WDR17: variants seen among roughly 807,000 people sequenced by gnomAD.
The protein encoded by WDR17 is WD repeat domain 17, also known as WD repeat-containing protein 17.
WDR17 carries 143 observed loss-of-function variants against 161.7 expected under a neutral mutation model. The ratio of observed to expected loss-of-function variants is 0.88; its 90% confidence interval spans 0.77 to 1.02. The LOEUF is 1.02. Among genes scored for constraint, WDR17 ranks in the 50% least tolerant of loss-of-function variants. WDR17 has a pLI of 0.00. For missense variants in WDR17, 1,469 were observed against 1,520.9 expected (o/e 0.97, Z 0.57); for synonymous variants, 517 against 515.6 (o/e 1.00, Z -0.04).
chr4:176,128,372 A>G (rs1160067966), intron 5 of WDR17, among the ~76,000 whole-genome samples: 2 of 152,032 alleles, frequency 1.3e-5, no homozygotes, highest in African/African-American at 4.8e-5. Context: ...GGAAAGATTG[A>G]TTATTTAAGG....
chr4:176,097,717 A>G (rs1737103423), intron 1 of WDR17, among the ~76,000 whole-genome samples: 1 of 135,970 alleles, frequency 7.4e-6, no homozygotes, highest in African/African-American at 2.8e-5. Flanking sequence ...TTCAAGCCCC[A>G]CTTACACACA....
chr4:176,142,379 A>G (rs1745423535), intron 11 of WDR17, among the ~76,000 whole-genome samples: 1 of 152,194 alleles, frequency 6.6e-6, no homozygotes, highest in Admixed American at 6.5e-5. Context: ...CTTCTATCAT[A>G]GAAATGTGGC....
chr4:176,088,582 A>G (rs536957972), intron 1 of WDR17, among the ~76,000 whole-genome samples: 1 of 152,218 alleles, frequency 6.6e-6, no homozygotes, highest in African/African-American at 2.4e-5. Flanking sequence ...CTTTCAGAAC[A>G]TGATAGTGGC....
intron 5 of WDR17, among the ~76,000 whole-genome samples, chr4:176,127,114 A>G (rs1412957064): frequency 1.3e-5 from 2 of 152,204 alleles, no homozygotes; most frequent in South Asian, 2.1e-4. Context: ...TTATATGCAA[A>G]TAATATGCCA....
chr4:176,168,635 C>G (rs766267340), intron 22 of WDR17, 37 bp from the exon 23 acceptor site: 1 of 1,609,768 alleles, frequency 6.2e-7, no homozygotes, highest in Admixed American at 1.7e-5. Context: ...TTTAAATCTT[C>G]TCCTCAATGA....
intron 1 of WDR17, among the ~76,000 whole-genome samples, chr4:176,103,688 A>G (rs1392134155): frequency 2.0e-5 from 3 of 152,132 alleles, no homozygotes; most frequent in East Asian, 1.9e-4. Context: ...ATTAGCAAAT[A>G]TGAAGATAAG....
At chr4:176,096,435 T>G in intron 1 of WDR17, 1 of 1,092,020 alleles carries the variant, frequency 9.2e-7, no homozygotes, top group South Asian at 1.6e-5. Context: ...AAATCTTGTT[T>G]GGTTGAAACA....
intron 1 of WDR17, among the ~76,000 whole-genome samples, chr4:176,076,666 A>G (rs1316995580): frequency 6.6e-6 from 1 of 151,200 alleles, no homozygotes; most frequent in Non-Finnish European, 1.5e-5. Flanking sequence ...TTGCTCTTTA[A>G]TGTGGATTTT....
intron 1 of WDR17, among the ~76,000 whole-genome samples, chr4:176,110,100 T>C (rs574289053): frequency 6.6e-6 from 1 of 152,234 alleles, no homozygotes; most frequent in Middle Eastern, 3.4e-3. Context: ...AAATGGAAGA[T>C]TGTCTCTCAT....
intron 1 of WDR17, among the ~76,000 whole-genome samples, chr4:176,107,752 TC>T (rs1738985998): frequency 6.6e-6 from 1 of 152,110 alleles, no homozygotes. Flanking sequence ...GGGATGTTAA[TC>T]CCTTAACAGA....
Position 176,177,140 on chromosome 4 carries a change from A to C in WDR17, c.3532A>C (p.Thr1178Pro), listed in dbSNP as rs757212353. The change falls in exon 27 of 29, where the codon ACA becomes CCA. Residue 1178 changes from threonine to proline, a missense_variant. Physicochemically the swap from Thr to Pro is conservative, Grantham distance 38. Coordinates refer to ENST00000508596, the MANE Select transcript of WDR17 (RefSeq NM_181265.4). Reference protein sequence around the residue: ...SEELDAWRACTQSTNRSLEDS... With the variant: ...SEELDAWRACPQSTNRSLEDS... ...GGAATTGGATGCATGGAGAGCTTGC[A>C]CACAGTCCACCAACAGGTGAGCAAA... 1 of 1,613,630 alleles carries C rather than the reference A, an allele frequency of 6.2e-7. No homozygotes were observed.
Position 176,119,914 on chromosome 4 carries a change from G to A in WDR17, c.355G>A (p.Ala119Thr), listed in dbSNP as rs1321534850. 4 of 1,613,998 alleles carry A rather than the reference G, an allele frequency of 2.5e-6. No individual in the cohort carries two copies. The highest frequency in any genetic ancestry group is 3.4e-6 in the Non-Finnish European group (4 of 1,180,012). ...SWCWNAEDVV[A>T]FVSHRGPLFI... ...GTGCTGGAATGCAGAGGATGTGGTG[G>A]CATTTGTTTCCCACAGAGGCCCACT... The change falls in exon 4 of 29, where the codon GCA becomes ACA. Residue 119 changes from alanine (A) to threonine (T), a missense_variant. By Grantham distance (58) the Ala-to-Thr change is moderately conservative. Transcript: ENST00000508596.
At chr4:176,073,937 C>G (rs1733603112) in intron 1 of WDR17, among the ~76,000 whole-genome samples, 3 of 150,334 alleles carry the variant, frequency 2.0e-5, no homozygotes, top group Admixed American at 6.6e-5. Flanking sequence ...CCTTCACCCA[C>G]TTTTTGATGG....
At position 176,146,162 on chromosome 4, in the gene WDR17, A is replaced by G. The variant is rs1579183160; in HGVS notation, c.1694+3A>G. 1 of 1,609,696 alleles carries G rather than the reference A, an allele frequency of 6.2e-7. No individual in the cohort carries two copies. The highest frequency in any genetic ancestry group is 2.2e-5 in the East Asian group (1 of 44,736). ...CTTTGCAGTGGTTCTGATGATGGGT[A>G]TGTATTTTTGGATTCTAATTTTCTA... On this transcript the variant is annotated splice_donor_region_variant and intron_variant, in intron 12 of 28. Transcript: ENST00000508596.
At chr4:176,147,601 C>T (rs1746391578) in intron 12 of WDR17, among the ~76,000 whole-genome samples, 1 of 152,130 alleles carries the variant, frequency 6.6e-6, no homozygotes, top group Non-Finnish European at 1.5e-5. Flanking sequence ...ATTTACAAAT[C>T]ATCTTAATAT....
intron 11 of WDR17, among the ~76,000 whole-genome samples, chr4:176,143,784 A>G (rs1315525529): frequency 2.6e-5 from 4 of 152,036 alleles, no homozygotes; most frequent in Non-Finnish European, 5.9e-5. Flanking sequence ...GAAACCTTCT[A>G]AGTCAGTTCT....
chr4:176,120,963 T>C (rs1486107296), intron 4 of WDR17, among the ~76,000 whole-genome samples: 5 of 152,178 alleles, frequency 3.3e-5, no homozygotes, highest in Non-Finnish European at 7.3e-5. Flanking sequence ...TGTAAAACAT[T>C]GAAACATTGG....
At chr4:176,152,646 C>A (rs752678494) in intron 17 of WDR17, among the ~76,000 whole-genome samples, 17 of 146,702 alleles carry the variant, frequency 1.2e-4, no homozygotes, top group Non-Finnish European at 2.2e-4. Flanking sequence ...AAATACCCTG[C>A]GTGCTGGCTC....
chr4:176,105,615 A>G (rs1738590196), intron 1 of WDR17, among the ~76,000 whole-genome samples: 1 of 152,132 alleles, frequency 6.6e-6, no homozygotes. Flanking sequence ...TCCAACAACC[A>G]ATGGATGAAA....
Sources: gnomAD v4.1 joint callset for allele counts (sites outside exome capture counted in the v4.1 genomes callset) on GRCh38, gnomAD v4.1.1 for gene constraint, MANE v1.5 for transcripts, NCBI Gene and HGNC (gene_info 2026-07-23, HGNC 2026-07-21) for gene names.